The following ZNF121 variants were observed in gnomAD, a reference collection of about 807,000 sequenced individuals.
The protein encoded by ZNF121 is zinc finger protein 121.
ZNF121 carries 1 observed loss-of-function variant against 2.4 expected under a neutral mutation model. The ratio of observed to expected loss-of-function variants is 0.41; its 90% confidence interval spans 0.15 to 1.94. The LOEUF (loss-of-function observed/expected upper bound fraction) is 1.94, where lower values mean the gene tolerates loss of function less well. ZNF121 is among the 30% of genes most tolerant of loss of function. The pLI is 0.30. For synonymous variants in ZNF121, 173 were observed against 158.6 expected (o/e 1.09, Z -0.68); for missense variants, 369 against 466.3 (o/e 0.79, Z 1.92).
At chr19:9,568,371 ATT>A (rs34558756) in intron 2 of ZNF121, among the ~76,000 whole-genome samples, 196 bp from the exon 3 acceptor site, 3 of 145,766 alleles carry the variant, frequency 2.1e-5, no homozygotes, top group Admixed American at 6.9e-5. Flanking sequence ...AAACTTAGTA[ATT>A]TTTTTTTTTT....
Position 9,579,982 on chromosome 19 carries a change from T to C in ZNF121, c.-160+4479A>G, listed in dbSNP as rs537671056. Among the ~76,000 whole-genome samples, 6 of 152,284 alleles carry C rather than the reference T, an allele frequency of 3.9e-5. No homozygotes were observed. The South Asian group carries it at 8.3e-4, about 21-fold the overall frequency. On this transcript the variant is annotated intron_variant, in intron 1 of 3. Transcript: ENST00000320451. ...AGGGTGGGAGATTCTGGGGCCACCA[T>C]GTCTGTGGGTAAAGATATTCCCTTG... is the stretch of plus-strand genomic sequence containing the variant.
In ZNF121 at chr19:9,562,434, G is replaced by T. The variant is rs1429453133; in HGVS notation, c.*3506C>A. ...TCACCTCAGCCTCTCAAGGTGCTGG[G>T]ATTACAGGTGTGAGCCACCGTGCCC... On this transcript the variant is annotated 3_prime_UTR_variant, in exon 4 of 4. Transcript: ENST00000320451. 3 of 296,252 alleles carry T rather than the reference G, an allele frequency of 1.0e-5. No individual in the cohort carries two copies. Among genetic ancestry groups the T allele is most frequent in the Admixed American group, 9.3e-5 (3 of 32,374 alleles). 18.4% of individuals were successfully genotyped at this position (296,252 alleles called of 1,614,324 possible).
At chr19:9,580,315 AG>A (rs2074239976) in intron 1 of ZNF121, among the ~76,000 whole-genome samples, 1 of 151,534 alleles carries the variant, frequency 6.6e-6, no homozygotes, top group Non-Finnish European at 1.5e-5. Flanking sequence ...AAAAAAAAAA[AG>A]ATAGATATTC....
rs1412613336 is a variant in ZNF121 at position 9,566,896 on chromosome 19, G to T, written c.217C>A (p.Leu73Met). The T allele has an allele frequency of 6.2e-7, 1 of 1,614,204 alleles. No individual in the cohort carries two copies. The highest frequency in any genetic ancestry group is 8.5e-7 in the Non-Finnish European group (1 of 1,180,034). The change falls in exon 4 of 4, where the codon CTG becomes ATG. Residue 73 changes from leucine (L) to methionine (M), a missense_variant. By Grantham distance (15) the Leu-to-Met change is conservative. Transcript: ENST00000320451. ...VLNQCRKAFS[L>M]PPNVHQRTWI... is the part of the protein sequence containing the mutation. ...GTTCTCTGGTGAACATTTGGTGGCAGGCTGAAGGCTTTTCTGCACTGATTC... is the reference window on the plus strand; with the variant it reads ...GTTCTCTGGTGAACATTTGGTGGCATGCTGAAGGCTTTTCTGCACTGATTC...
chr19:9,566,858 G>A lies in ZNF121; in HGVS notation c.255C>T (p.Asp85=). The A allele has an allele frequency of 1.9e-6, 3 of 1,614,150 alleles. No individual in the cohort carries two copies. The highest frequency in any genetic ancestry group is 2.5e-6 in the Non-Finnish European group (3 of 1,180,032). Reference sequence around the variant, plus strand: ...CACAGTCACTGTATTCAAAGGATTTGTCTCCTATCCACGTTCTCTGGTGAA... The same window carrying A: ...CACAGTCACTGTATTCAAAGGATTTATCTCCTATCCACGTTCTCTGGTGAA... ...PNVHQRTWIG[D]KSFEYSDCEE... is the part of the protein sequence containing the mutation. The change falls in exon 4 of 4, where the codon GAC becomes GAT. Residue 85 remains aspartate, a synonymous_variant. Coordinates refer to ENST00000320451, the MANE Select transcript of ZNF121 (RefSeq NM_001008727.5).
At chr19:9,569,424 G>T (rs570923028) in intron 1 of ZNF121, among the ~76,000 whole-genome samples, 2 of 152,086 alleles carry the variant, frequency 1.3e-5, no homozygotes, top group East Asian at 1.9e-4. Context: ...TCCAACCTAG[G>T]TGACAAAGTG....
At chr19:9,579,072 A>G (rs1175885154) in intron 1 of ZNF121, among the ~76,000 whole-genome samples, 3 of 152,164 alleles carry the variant, frequency 2.0e-5, no homozygotes, top group Admixed American at 2.0e-4. Context: ...GCCAACAGGT[A>G]TACGGAAAAA....
chr19:9,569,867 C>T (rs1261772183), intron 1 of ZNF121, among the ~76,000 whole-genome samples: 1 of 138,482 alleles, frequency 7.2e-6, no homozygotes, highest in Admixed American at 7.5e-5. Context: ...TTTACGATAT[C>T]GTCAAAAGCT....
rs533115847 is a variant in ZNF121 at position 9,573,816 on chromosome 19, A to G, written c.-159-4734T>C. Among the ~76,000 whole-genome samples, 68 of 152,226 alleles carry G rather than the reference A, an allele frequency of 4.5e-4. 1 individual carries two copies. Among genetic ancestry groups the G allele is most frequent in the Admixed American group, 1.2e-3 (19 of 15,284 alleles). On this transcript the variant is annotated intron_variant, in intron 1 of 3. Transcript: ENST00000320451. ...CTGGCAACAGGATTTCTCAAGGGAA[A>G]CCACACACAGGCCAGAAGGGAGTAG...
rs1431789268 is a variant in ZNF121 at position 9,565,888 on chromosome 19, G to T, written c.*52C>A. The T allele has an allele frequency of 7.4e-7, 1 of 1,352,098 alleles. No homozygotes were observed. The highest frequency in any genetic ancestry group is 2.7e-5 in the Admixed American group (1 of 36,544). The allele number at this position is 1,352,098 out of a possible 1,614,324, so 83.8% of individuals were successfully genotyped here. A position where few individuals can be genotyped will look rare whatever the true frequency, so the allele number is the denominator to read the frequency against. On this transcript the variant is annotated 3_prime_UTR_variant, in exon 4 of 4. Coordinates refer to ENST00000320451, the MANE Select transcript of ZNF121 (RefSeq NM_001008727.5). ...TGTGAATTCAAATGTGGTAATTATGGTATGAGAAATTCCTAAAAGATTTCC... is the reference window on the plus strand; with the variant it reads ...TGTGAATTCAAATGTGGTAATTATGTTATGAGAAATTCCTAAAAGATTTCC...
chr19:9,568,300 G>A, intron 2 of ZNF121, 125 bp from the exon 3 acceptor site: 1 of 460,062 alleles, frequency 2.2e-6, no homozygotes, highest in East Asian at 3.2e-5. Context: ...AAATTAAACA[G>A]ACATAGATTT....
chr19:9,576,030 T>A (rs2074207782), intron 1 of ZNF121, among the ~76,000 whole-genome samples: 1 of 152,172 alleles, frequency 6.6e-6, no homozygotes, highest in Non-Finnish European at 1.5e-5. Flanking sequence ...CAGGACATTT[T>A]ATCCAACTGC....
rs530462778 is a variant in ZNF121 at position 9,561,306 on chromosome 19, G to C, written c.*4634C>G. 1.3e-5 allele frequency: 2 copies of C among 152,090 alleles called. No individual in the cohort carries two copies. The highest frequency in any genetic ancestry group is 4.8e-5 in the African/African-American group (2 of 41,434). 9.4% of individuals were successfully genotyped at this position (152,090 alleles called of 1,614,324 possible). A position where few individuals can be genotyped will look rare whatever the true frequency, so the allele number is the denominator to read the frequency against. ...AATAAATTACATTTTTCTGAGTCTA[G>C]GGCTGGAGACAAATGTACCATGAAC... On this transcript the variant is annotated 3_prime_UTR_variant, in exon 4 of 4. Transcript: ENST00000320451.
chr19:9,574,404 T>C (rs566279823), intron 1 of ZNF121, among the ~76,000 whole-genome samples: 25 of 152,264 alleles, frequency 1.6e-4, no homozygotes, highest in Admixed American at 3.9e-4. Context: ...TCTGCCCGCC[T>C]TGGCCTCCCA....
chr19:9,567,980 T>C, intron 3 of ZNF121, 115 bp downstream of exon 3: 4 of 1,181,388 alleles, frequency 3.4e-6, no homozygotes, highest in Non-Finnish European at 4.7e-6. Context: ...TCTAGAGACA[T>C]TCCTCCTGCT....
At chr19:9,569,233 G>T (rs1599736338) in intron 1 of ZNF121, among the ~76,000 whole-genome samples, 151 bp from the exon 2 acceptor site, 1 of 152,138 alleles carries the variant, frequency 6.6e-6, no homozygotes, top group South Asian at 2.1e-4. Flanking sequence ...TGTGCCCTGA[G>T]GAGTTGGTTA....
intron 1 of ZNF121, among the ~76,000 whole-genome samples, chr19:9,580,124 A>G (rs1366278263): frequency 6.6e-6 from 1 of 151,762 alleles, no homozygotes; most frequent in Non-Finnish European, 1.5e-5. Context: ...AACCTCGTCA[A>G]TACTAAAAAT....
chr19:9,571,210 A>T (rs1378621499), intron 1 of ZNF121, among the ~76,000 whole-genome samples: 1 of 152,230 alleles, frequency 6.6e-6, no homozygotes, highest in Non-Finnish European at 1.5e-5. Flanking sequence ...TAAACAAATG[A>T]ACACGGTTGT....
intron 1 of ZNF121, among the ~76,000 whole-genome samples, chr19:9,581,735 G>C (rs1404836656): frequency 6.6e-6 from 1 of 152,082 alleles, no homozygotes; most frequent in Non-Finnish European, 1.5e-5. Flanking sequence ...TAAAAATCTT[G>C]AATGGATCTT....
Sources: gnomAD v4.1 joint callset for allele counts (sites outside exome capture counted in the v4.1 genomes callset) on GRCh38, gnomAD v4.1.1 for gene constraint, MANE v1.5 for transcripts, NCBI Gene and HGNC (gene_info 2026-07-23, HGNC 2026-07-21) for gene names.